FANCD2OS: variants seen among roughly 807,000 people sequenced by gnomAD.
FANCD2OS encodes the protein FANCD2 opposite strand protein.
FANCD2OS carries 11 observed loss-of-function variants against 13.2 expected under a neutral mutation model. That is an observed-to-expected ratio of 0.83 (90% CI 0.52 to 1.38). The LOEUF (loss-of-function observed/expected upper bound fraction) is 1.38. Ranked by LOEUF, FANCD2OS falls within the 40% of genes most tolerant of loss-of-function variation. The pLI, the probability that FANCD2OS is intolerant of heterozygous loss-of-function variation, is 0.00. For missense variants in FANCD2OS, 217 were observed against 213.9 expected (o/e 1.01, Z -0.09); for synonymous variants, 69 against 84.5 (o/e 0.82, Z 1.01).
chr3:10,087,171 A>C (rs1694257846), intron 2 of FANCD2OS: 2 of 1,613,926 alleles, frequency 1.2e-6, no homozygotes, highest in Non-Finnish European at 1.7e-6. Flanking sequence ...CCATCAAAGC[A>C]TTCCCAGTTT....
At chr3:10,103,064 T>G (rs1164467765), downstream of FANCD2OS, 2 of 443,554 alleles carry the variant, frequency 4.5e-6, no homozygotes, top group South Asian at 1.6e-5. Flanking sequence ...CAAGACCAGC[T>G]TGGGCAATGT....
intron 2 of FANCD2OS, among the ~76,000 whole-genome samples, chr3:10,088,044 A>G (rs35204141): frequency 6.6e-6 from 1 of 152,148 alleles, no homozygotes; most frequent in African/African-American, 2.4e-5. Context: ...TGCAAAACAA[A>G]CCTTTATTTA....
chr3:10,091,837 G>A (rs1694630978), intron 2 of FANCD2OS, among the ~76,000 whole-genome samples: 2 of 152,238 alleles, frequency 1.3e-5, no homozygotes, highest in Non-Finnish European at 2.9e-5. Flanking sequence ...GCGCACGTCT[G>A]TAATCTCAGC....
At chr3:10,088,463 C>CAATTT (rs1559404503) in intron 2 of FANCD2OS, 1 of 1,608,834 alleles carries the variant, frequency 6.2e-7, no homozygotes, top group Non-Finnish European at 8.5e-7. Flanking sequence ...CCTTGCCAGA[C>CAATTT]AATTCCTCTG....
chr3:10,101,122 C>G, downstream of FANCD2OS: 2 of 1,181,406 alleles, frequency 1.7e-6, no homozygotes, highest in Non-Finnish European at 2.5e-6. Context: ...CCTCTAGGAG[C>G]TGTATTCCAG....
downstream of FANCD2OS, chr3:10,098,570 G>A (rs930875481): frequency 2.3e-6 from 2 of 887,450 alleles, no homozygotes; most frequent in Non-Finnish European, 3.5e-6. Flanking sequence ...CCCTCCTCTA[G>A]ATGCTGAATC....
chr3:10,096,993 C>G (rs1201048620), intron 2 of FANCD2OS, among the ~76,000 whole-genome samples: 1 of 152,110 alleles, frequency 6.6e-6, no homozygotes, highest in East Asian at 1.9e-4. Flanking sequence ...AATTTTAAAG[C>G]TGGGCGTCCG....
intron 2 of FANCD2OS, among the ~76,000 whole-genome samples, chr3:10,088,066 T>G (rs535262063): frequency 1.7e-4 from 26 of 152,326 alleles, no homozygotes; most frequent in African/African-American, 6.0e-4. Flanking sequence ...CCCTATTGAT[T>G]AAAAGGGGAA....
downstream of FANCD2OS, among the ~76,000 whole-genome samples, chr3:10,100,464 C>T (rs922655225): frequency 1.3e-5 from 2 of 152,146 alleles, no homozygotes; most frequent in South Asian, 2.1e-4. Context: ...GTCTGTCTCC[C>T]GAGTTCAAGC....
At position 10,090,270 on chromosome 3, in the gene FANCD2OS, G is replaced by A. The variant is rs115247173; in HGVS notation, c.*44-8739C>T. The A allele has an allele frequency of 1.7e-3, 2,607 of 1,564,152 alleles. 40 individuals carry two copies. In the African/African-American group the frequency reaches 0.03, roughly 18 times the overall value. Reference sequence around the variant, plus strand: ...AAGCAGTGCATCATGGTGTGGGCACGCATGCTTTTCCCGTCTTCTAGGCAT... The same window carrying A: ...AAGCAGTGCATCATGGTGTGGGCACACATGCTTTTCCCGTCTTCTAGGCAT... On this transcript the variant is annotated intron_variant, in intron 2 of 2. Coordinates refer to the FANCD2OS transcript ENST00000524279.
intron 2 of FANCD2OS, among the ~76,000 whole-genome samples, chr3:10,084,234 T>C (rs1202002246): frequency 6.6e-6 from 1 of 151,438 alleles, no homozygotes; most frequent in African/African-American, 2.4e-5. Context: ...CCCCGTGATC[T>C]ACCCACCTCA....
At chr3:10,099,145 T>G (rs1027101280), downstream of FANCD2OS, 189 of 1,460,218 alleles carry the variant, frequency 1.3e-4, no homozygotes, top group Non-Finnish European at 1.6e-4. Context: ...TTCTGAGTGT[T>G]GAGAAGAATG....
In FANCD2OS at chr3:10,087,140, C is replaced by T. The variant is rs953039787; in HGVS notation, c.*44-5609G>A. The stretch of plus-strand genomic sequence containing the variant: ...TTTTCTTGTCTCCTTACAGCCAGAG[C>T]GTCCATTACTTGCAGAATTTCCATC... On this transcript the variant is annotated intron_variant, in intron 2 of 2. Coordinates refer to the FANCD2OS transcript ENST00000524279. The T allele has an allele frequency of 3.1e-6, 5 of 1,613,974 alleles. No homozygotes were observed. Among genetic ancestry groups the T allele is most frequent in the African/African-American group, 2.7e-5 (2 of 75,034 alleles).
intron 1 of FANCD2OS, among the ~76,000 whole-genome samples, chr3:10,107,789 A>C (rs1285834835): frequency 1.3e-5 from 2 of 151,962 alleles, no homozygotes; most frequent in Non-Finnish European, 2.9e-5. Flanking sequence ...GAGCGCTTCT[A>C]AACCTAGGTC....
intron 2 of FANCD2OS, among the ~76,000 whole-genome samples, chr3:10,091,905 C>G (rs1694634220): frequency 6.6e-6 from 1 of 152,246 alleles, no homozygotes; most frequent in Non-Finnish European, 1.5e-5. Flanking sequence ...CTAGCCTGGC[C>G]AACATGGTCA....
intron 2 of FANCD2OS, among the ~76,000 whole-genome samples, chr3:10,082,650 C>G (rs755105473): frequency 1.3e-5 from 2 of 152,158 alleles, no homozygotes; most frequent in Non-Finnish European, 2.9e-5. Flanking sequence ...GACCCCCACT[C>G]TTCTTGATCC....
At position 10,089,530 on chromosome 3, in the gene FANCD2OS, C is replaced by T. The variant is rs377658972; in HGVS notation, c.*44-7999G>A. 3.8e-4 allele frequency among the ~76,000 whole-genome samples: 58 copies of T among 152,118 alleles called. No individual in the cohort carries two copies. In the South Asian group the frequency reaches 0.01, roughly 27 times the overall value. ...TGTCACCCAGGCTGGAGTGCAGTGG[C>T]GTAATCTCAGCTCACTGCAACCTCC... On this transcript the variant is annotated intron_variant, in intron 2 of 2. Coordinates refer to the FANCD2OS transcript ENST00000524279.
Position 10,091,502 on chromosome 3 carries a change from C to T in FANCD2OS, c.*44-9971G>A, listed in dbSNP as rs376076858. Among the ~76,000 whole-genome samples the T allele has an allele frequency of 2.2e-3, 335 of 151,710 alleles. 9 individuals carry two copies. In the South Asian group the frequency reaches 0.044, roughly 20 times the overall value. Reference sequence around the variant, plus strand: ...GAAAAAAAAAAGAAAAAACATATACCGGCTGTAGCTTCTCTGCTTCCCTAT... The same window carrying T: ...GAAAAAAAAAAGAAAAAACATATACTGGCTGTAGCTTCTCTGCTTCCCTAT... On this transcript the variant is annotated intron_variant, in intron 2 of 2. Coordinates refer to the FANCD2OS transcript ENST00000524279.
At position 10,088,505 on chromosome 3, in the gene FANCD2OS, A is replaced by G. The variant is rs1267974483; in HGVS notation, c.*44-6974T>C. On this transcript the variant is annotated intron_variant, in intron 2 of 2. Transcript: ENST00000524279. ...GTGGCCAAGTGGGGATAAAGAGAAGAGCAACATCTCTAATGACCAGCTCCA... is the reference window on the plus strand; with the variant it reads ...GTGGCCAAGTGGGGATAAAGAGAAGGGCAACATCTCTAATGACCAGCTCCA... The G allele has an allele frequency of 3.0e-5, 49 of 1,611,130 alleles. No individual in the cohort carries two copies. Among genetic ancestry groups the G allele is most frequent in the Non-Finnish European group, 4.2e-5 (49 of 1,177,354 alleles).
Sources: allele counts gnomAD v4.1 joint callset (sites outside exome capture counted in the v4.1 genomes callset), GRCh38; gene constraint gnomAD v4.1.1; transcripts MANE v1.5; gene names NCBI Gene and HGNC (gene_info 2026-07-23, HGNC 2026-07-21).